The following TBC1D22B variants were observed in gnomAD, a reference collection of about 807,000 sequenced individuals.
The protein encoded by TBC1D22B is chromosome 6 open reading frame 197.
TBC1D22B carries 32 observed loss-of-function variants against 69.1 expected under a neutral mutation model. The ratio of observed to expected loss-of-function variants is 0.46; its 90% CI spans 0.35 to 0.62. The LOEUF (loss-of-function observed/expected upper bound fraction) is 0.62. TBC1D22B is among the 20% of genes least tolerant of loss of function. The pLI is 0.00. For synonymous variants in TBC1D22B, 206 were observed against 229.8 expected (o/e 0.90, Z 0.94); for missense variants, 462 against 630.9 (o/e 0.73, Z 2.87).
At chr6:37,312,829 T>TA in intron 8 of TBC1D22B, 89 bp from the exon 9 acceptor site, 2 of 1,110,134 alleles carry the variant, frequency 1.8e-6, no homozygotes, top group East Asian at 4.8e-5. Flanking sequence ...CACTTGGCCT[T>TA]AAAGACCCCA....
chr6:37,299,318 G>T (rs1767493598), intron 8 of TBC1D22B, among the ~76,000 whole-genome samples: 1 of 151,984 alleles, frequency 6.6e-6, no homozygotes, highest in Admixed American at 6.6e-5. Flanking sequence ...TCCTTCATCT[G>T]CTATGTGTTA....
chr6:37,320,858 G>A (rs1768219045), intron 12 of TBC1D22B, among the ~76,000 whole-genome samples: 1 of 152,202 alleles, frequency 6.6e-6, no homozygotes, highest in Non-Finnish European at 1.5e-5. Flanking sequence ...GGATCCTCCG[G>A]GCCCGTGGCA....
In TBC1D22B at chr6:37,327,496, A is replaced by AT. The variant is rs1393771700; in HGVS notation, c.1390-3548_1390-3547insT. On this transcript the variant is annotated intron_variant, in intron 12 of 12. Transcript: ENST00000373491. ...CCGACTCAAAAAAAAAAAAAAAAAAAAAAAAAAAAATAAGTTGAGATAGAA... is the reference window on the plus strand; with the variant it reads ...CCGACTCAAAAAAAAAAAAAAAAAAATAAAAAAAAAATAAGTTGAGATAGAA... Among the ~76,000 whole-genome samples the AT allele has an allele frequency of 2.7e-5, 4 of 150,448 alleles. 1 individual carries two copies. The highest frequency in any genetic ancestry group is 4.2e-4 in the South Asian group (2 of 4,766).
Position 37,297,674 on chromosome 6 carries a change from A to T in TBC1D22B, c.982+6317A>T, listed in dbSNP as rs16889631. Among the ~76,000 whole-genome samples, 569 of 152,008 alleles carry T rather than the reference A, an allele frequency of 3.7e-3. 13 individuals are homozygous for T. In the East Asian group the frequency reaches 0.05, roughly 13 times the overall value. On this transcript the variant is annotated intron_variant, in intron 8 of 12. Transcript: ENST00000373491. ...TGCCTTTCTTATTGCTTATCTTTCT[A>T]AAAAAAATTGTAGTAGAAGTATGTT...
intron 12 of TBC1D22B, among the ~76,000 whole-genome samples, chr6:37,320,160 A>G (rs149718): frequency 0.88 from 133,943 of 152,202 alleles, 58,956 homozygotes; most frequent in South Asian, 0.91. Flanking sequence ...CCAGATATAA[A>G]GGGAGCCAGT....
chr6:37,323,267 C>T (rs1383106785), intron 12 of TBC1D22B, among the ~76,000 whole-genome samples: 1 of 152,140 alleles, frequency 6.6e-6, no homozygotes, highest in Non-Finnish European at 1.5e-5. Context: ...GTGGCTCATG[C>T]CTGTAATCCC....
At chr6:37,295,142 G>C (rs933028498) in intron 8 of TBC1D22B, among the ~76,000 whole-genome samples, 9 of 152,130 alleles carry the variant, frequency 5.9e-5, no homozygotes, top group African/African-American at 2.2e-4. Flanking sequence ...CCACTCTGTT[G>C]CCCAGGCTGG....
At chr6:37,314,887 A>G (rs550282471) in intron 10 of TBC1D22B, among the ~76,000 whole-genome samples, 38 of 150,142 alleles carry the variant, frequency 2.5e-4, no homozygotes, top group Admixed American at 4.7e-4. Context: ...TTAGCATTTC[A>G]ATCTTCTGAA....
intron 8 of TBC1D22B, among the ~76,000 whole-genome samples, chr6:37,311,391 G>A (rs1474514884): frequency 2.0e-5 from 3 of 152,140 alleles, no homozygotes; most frequent in African/African-American, 7.2e-5. Flanking sequence ...AAAGGCTGGG[G>A]TCAGGTGCAG....
chr6:37,272,916 G>T (rs772112432), intron 2 of TBC1D22B, among the ~76,000 whole-genome samples: 1 of 152,118 alleles, frequency 6.6e-6, no homozygotes, highest in Non-Finnish European at 1.5e-5. Context: ...TGCACTTAGG[G>T]GAGGTATTAA....
intron 8 of TBC1D22B, 79 bp from the exon 9 acceptor site, chr6:37,312,839 A>G: frequency 1.6e-6 from 2 of 1,226,048 alleles, no homozygotes; most frequent in Non-Finnish European, 2.4e-6. Context: ...TAAAGACCCC[A>G]TTGAAGACAC....
At chr6:37,317,731 A>G (rs553735362) in intron 12 of TBC1D22B, among the ~76,000 whole-genome samples, 1 of 152,332 alleles carries the variant, frequency 6.6e-6, no homozygotes, top group East Asian at 1.9e-4. Context: ...TTTCGAATAA[A>G]GTAGTCTTGA....
At chr6:37,274,174 T>C (rs912984684) in intron 2 of TBC1D22B, among the ~76,000 whole-genome samples, 1 of 152,226 alleles carries the variant, frequency 6.6e-6, no homozygotes. Context: ...TTCCAAGTTA[T>C]AAAACTAGTT....
intron 7 of TBC1D22B, among the ~76,000 whole-genome samples, chr6:37,290,994 CA>C (rs1481619509): frequency 6.6e-6 from 1 of 152,102 alleles, no homozygotes; most frequent in Non-Finnish European, 1.5e-5. Context: ...TTCCTTCTCC[CA>C]ATTTTATATT....
chr6:37,286,866 C>T, intron 6 of TBC1D22B, 141 bp from the exon 7 acceptor site: 1 of 660,502 alleles, frequency 1.5e-6, no homozygotes, highest in Non-Finnish European at 2.5e-6. Context: ...ATCGCTTGAA[C>T]CCTGGAGGCA....
At position 37,304,830 on chromosome 6, in the gene TBC1D22B, A is replaced by G. The variant is rs562464593; in HGVS notation, c.983-8088A>G. 4.8e-4 allele frequency among the ~76,000 whole-genome samples: 73 copies of G among 152,366 alleles called. 3 individuals are homozygous for G. The highest frequency in any genetic ancestry group is 2.4e-4 in the Non-Finnish European group (16 of 68,034). ...AGTTTAATTTCTGGTGGGCAGAAACAGACAATCAACTGAAAAAACAGATAT... is the reference window on the plus strand; with the variant it reads ...AGTTTAATTTCTGGTGGGCAGAAACGGACAATCAACTGAAAAAACAGATAT... On this transcript the variant is annotated intron_variant, in intron 8 of 12. Transcript: ENST00000373491.
chr6:37,258,156 T>C, intron 1 of TBC1D22B, 183 bp downstream of exon 1: 1 of 642,746 alleles, frequency 1.6e-6, no homozygotes, highest in Admixed American at 3.3e-5. Context: ...TGGGGACGGC[T>C]GGATGTGGGT....
At chr6:37,264,604 G>A in intron 1 of TBC1D22B, among the ~76,000 whole-genome samples, 1 of 152,094 alleles carries the variant, frequency 6.6e-6, no homozygotes, top group East Asian at 1.9e-4. Flanking sequence ...AGCCCTGATT[G>A]TGTCTTATAT....
At chr6:37,305,642 C>T (rs749797854) in intron 8 of TBC1D22B, among the ~76,000 whole-genome samples, 2 of 151,930 alleles carry the variant, frequency 1.3e-5, no homozygotes, top group African/African-American at 4.8e-5. Flanking sequence ...CTCAGCCTCC[C>T]GAGTAGCTGG....
Sources: allele counts gnomAD v4.1 joint callset (sites outside exome capture counted in the v4.1 genomes callset), GRCh38; gene constraint gnomAD v4.1.1; transcripts MANE v1.5; gene names NCBI Gene and HGNC (gene_info 2026-07-23, HGNC 2026-07-21).